Variants in DIP2C observed in about 807,000 individuals in gnomAD.
The protein encoded by DIP2C is disco-interacting protein 2 homolog C.
In DIP2C, 33 loss-of-function variants were observed where a neutral mutation model predicts 192.4. The observed-to-expected ratio is 0.17, with a 90% CI of 0.13 to 0.23. The LOEUF (loss-of-function observed/expected upper bound fraction) is 0.23, where lower values mean the gene tolerates loss of function less well. Ranked by LOEUF, DIP2C falls within the 10% of genes least tolerant of loss-of-function variation. The pLI is 1.00. For missense variants in DIP2C, 1,537 were observed against 2,110.1 expected, an observed-to-expected ratio of 0.73 and a Z score of 5.32; for synonymous variants, 979 against 864.1, an observed-to-expected ratio of 1.13 and a Z score of -2.33.
chr10:610,606 T>C (rs1404059872), intron 1 of DIP2C, among the ~76,000 whole-genome samples: 4 of 152,192 alleles, frequency 2.6e-5, no homozygotes, highest in Non-Finnish European at 4.4e-5. Context: ...AATGACAGAA[T>C]CGTTTGCGAA....
chr10:556,226 C>CA (rs1848860699), intron 1 of DIP2C, among the ~76,000 whole-genome samples: 1 of 58,622 alleles, frequency 1.7e-5, no homozygotes, highest in Non-Finnish European at 3.1e-5. Context: ...GATCCCAGGA[C>CA]GGCACCCACC....
intron 36 of DIP2C, among the ~76,000 whole-genome samples, chr10:278,199 G>T (rs1954621382): frequency 6.6e-6 from 1 of 151,968 alleles, no homozygotes; most frequent in Non-Finnish European, 1.5e-5. Context: ...GGGCATGGGT[G>T]CCTACTCCTC....
chr10:489,396 G>A (rs1844261353), intron 1 of DIP2C, among the ~76,000 whole-genome samples: 1 of 152,260 alleles, frequency 6.6e-6, no homozygotes, highest in South Asian at 2.1e-4. Flanking sequence ...CATATAGACA[G>A]ACGACAGAGA....
chr10:336,924 TGGAGGCCTAGACTGGTGTGTGCGC>T (rs1304277717), intron 29 of DIP2C, among the ~76,000 whole-genome samples: 119 of 32,636 alleles, frequency 3.6e-3, no homozygotes, highest in Non-Finnish European at 7.3e-3. Context: ...GTGTGTGTTG[TGGAGGCCTAGACTGGTGTGTGCGC>T]GTGTGTGTGT....
In DIP2C at chr10:516,875, G is replaced by A. The variant is rs186659133; in HGVS notation, c.86-30345C>T. 7.6e-4 allele frequency among the ~76,000 whole-genome samples: 107 copies of A among 140,866 alleles called. 4 individuals are homozygous for A. Among genetic ancestry groups the A allele is most frequent in the African/African-American group, 2.7e-3 (103 of 37,964 alleles). 92.4% of individuals were successfully genotyped at this position (140,866 alleles called of 152,430 possible). On this transcript the variant is annotated intron_variant, in intron 1 of 36. Coordinates refer to ENST00000280886, the MANE Select transcript of DIP2C (RefSeq NM_014974.3). ...GGGGGAGGGGGATGCGCAGGTGCCT[G>A]CTGTGCATGGAACCCAAGCCCCTCG...
intron 3 of DIP2C, among the ~76,000 whole-genome samples, chr10:450,967 A>G (rs138503883): frequency 9.3e-4 from 141 of 152,252 alleles, no homozygotes; most frequent in African/African-American, 3.2e-3. Context: ...ATGTGTGGGT[A>G]TAAAATATAC....
intron 1 of DIP2C, among the ~76,000 whole-genome samples, chr10:544,230 G>A (rs1431912494): frequency 6.6e-6 from 1 of 152,200 alleles, no homozygotes; most frequent in Non-Finnish European, 1.5e-5. Flanking sequence ...TGTGACCTTT[G>A]GTGCTGGCAT....
chr10:580,467 G>A (rs776592554), intron 1 of DIP2C, among the ~76,000 whole-genome samples: 8 of 152,172 alleles, frequency 5.3e-5, no homozygotes, highest in Non-Finnish European at 1.0e-4. Context: ...GTACACATAT[G>A]CAGTACAGAT....
intron 32 of DIP2C, among the ~76,000 whole-genome samples, chr10:298,313 G>T (rs931322316): frequency 6.6e-6 from 1 of 152,168 alleles, no homozygotes; most frequent in African/African-American, 2.4e-5. Flanking sequence ...TTGTTCATGG[G>T]TAGACACGGA....
chr10:670,021 A>G (rs1194460021), intron 1 of DIP2C, among the ~76,000 whole-genome samples: 13 of 152,224 alleles, frequency 8.5e-5, no homozygotes, highest in Admixed American at 7.8e-4. Flanking sequence ...GAAAGTTGTC[A>G]CTGCCTAACA....
chr10:609,744 G>A (rs1052632065), intron 1 of DIP2C, among the ~76,000 whole-genome samples: 3 of 152,118 alleles, frequency 2.0e-5, no homozygotes, highest in African/African-American at 4.8e-5. Flanking sequence ...AGGTTAACCA[G>A]GTCAAAAGCA....
intron 9 of DIP2C, among the ~76,000 whole-genome samples, chr10:400,546 G>C (rs1243626878): frequency 2.6e-5 from 4 of 151,440 alleles, no homozygotes; most frequent in Non-Finnish European, 5.9e-5. Flanking sequence ...CATGAATCCT[G>C]TGATTTTACA....
chr10:466,801 G>A (rs10904281), intron 3 of DIP2C, among the ~76,000 whole-genome samples: 118,614 of 139,748 alleles, frequency 0.85, 52,865 homozygotes, highest in Non-Finnish European at 0.97. Flanking sequence ...ATCACTGGCC[G>A]TCAGAGAAAT....
At chr10:421,191 A>C (rs1966159685) in intron 5 of DIP2C, among the ~76,000 whole-genome samples, 1 of 152,198 alleles carries the variant, frequency 6.6e-6, no homozygotes, top group Non-Finnish European at 1.5e-5. Flanking sequence ...TGGTCACCCG[A>C]GAGTTACATT....
chr10:357,813 G>A lies in DIP2C; in HGVS notation c.2904+15C>T. 6.2e-7 allele frequency: 1 copy of A among 1,602,222 alleles called. No individual in the cohort carries two copies. The highest frequency in any genetic ancestry group is 8.5e-7 in the Non-Finnish European group (1 of 1,171,172). ...GTCGGGGACGGTCGGGGAGACTCAG[G>A]GACCCAGCTCCTACCTTGCGTGCCT... On this transcript the variant is annotated intron_variant, in intron 23 of 36. Transcript: ENST00000280886.
chr10:486,578 C>T, intron 1 of DIP2C, 48 bp from the exon 2 acceptor site: 13 of 1,489,178 alleles, frequency 8.7e-6, no homozygotes, highest in Non-Finnish European at 1.2e-5. Flanking sequence ...GTGGATAGAG[C>T]ATTATCATTC....
chr10:521,839 G>A (rs375970840), intron 1 of DIP2C, among the ~76,000 whole-genome samples: 24 of 152,158 alleles, frequency 1.6e-4, no homozygotes, highest in African/African-American at 5.1e-4. Flanking sequence ...GAGTCCTCAC[G>A]TATCTCCTTC....
rs71376835 is a variant in DIP2C, at chr10:467,565, TAA to T, written c.268+4872_268+4873del. ...AAATAAAATAAAAATTATTTAAGTG[TAA>T]AAAAAAAAAAAAAAGAAAATGTGGC... On this transcript the variant is annotated intron_variant, in intron 3 of 36. Transcript: ENST00000280886. Among the ~76,000 whole-genome samples, 1,265 of 130,378 alleles carry T rather than the reference TAA, an allele frequency of 9.7e-3. 2 individuals are homozygous for T. The highest frequency in any genetic ancestry group is 0.021 in the East Asian group (94 of 4,462). The allele number at this position is 130,378 out of a possible 152,430, so 85.5% of individuals were successfully genotyped here.
At chr10:681,360 A>T (rs1277869218) in intron 1 of DIP2C, among the ~76,000 whole-genome samples, 1 of 148,012 alleles carries the variant, frequency 6.8e-6, no homozygotes, top group African/African-American at 2.5e-5. Flanking sequence ...GGGAATGCAG[A>T]CCCTCAGTCA....
Sources: allele counts gnomAD v4.1 joint callset (sites outside exome capture counted in the v4.1 genomes callset), GRCh38; gene constraint gnomAD v4.1.1; transcripts MANE v1.5; gene names NCBI Gene and HGNC (gene_info 2026-07-23, HGNC 2026-07-21).